The following RIMS1 variants were observed in gnomAD, a reference collection of about 807,000 sequenced individuals.
RIMS1 encodes the protein regulating synaptic membrane exocytosis 1.
RIMS1 carries 83 observed loss-of-function variants against 214.1 expected under a neutral mutation model. The ratio of observed to expected loss-of-function variants is 0.39; its 90% CI spans 0.32 to 0.47. The LOEUF (loss-of-function observed/expected upper bound fraction) is 0.47, where lower values mean the gene tolerates loss of function less well. Among genes scored for constraint, RIMS1 ranks in the 20% least tolerant of loss-of-function variants. RIMS1 has a pLI of 0.99. For missense variants in RIMS1, 2,050 were observed against 2,161.8 expected, an observed-to-expected ratio of 0.95 and a Z score of 1.03; for synonymous variants, 793 against 786.8, an observed-to-expected ratio of 1.01 and a Z score of -0.13.
chr6:72,168,702 G>A (rs1232330293), intron 4 of RIMS1, among the ~76,000 whole-genome samples: 1 of 147,142 alleles, frequency 6.8e-6, no homozygotes, highest in Non-Finnish European at 1.5e-5. Context: ...TTGGGAAGCT[G>A]CTGATCACTA....
intron 2 of RIMS1, among the ~76,000 whole-genome samples, chr6:72,008,814 AT>A (rs1808980983): frequency 6.6e-6 from 1 of 152,212 alleles, no homozygotes; most frequent in African/African-American, 2.4e-5. Context: ...GAGCACCCAG[AT>A]TCATAAAGCA....
At position 72,156,260 on chromosome 6, in the gene RIMS1, C is replaced by T. The variant is rs751466588; in HGVS notation, c.472-23315C>T. On this transcript the variant is annotated intron_variant, in intron 4 of 33. Transcript: ENST00000521978. ...ATGAATGAAGAAAATGTGATAAAAA[C>T]ATACAATGTAATATTATTCGGCCTT... 3.5e-5 allele frequency among the ~76,000 whole-genome samples: 5 copies of T among 140,892 alleles called. 1 individual carries two copies. The highest frequency in any genetic ancestry group is 4.9e-5 in the African/African-American group (2 of 40,718). 92.4% of individuals were successfully genotyped at this position (140,892 alleles called of 152,430 possible). A position where few individuals can be genotyped will look rare whatever the true frequency, so the allele number is the denominator to read the frequency against.
chr6:72,113,266 T>A (rs553980882), intron 4 of RIMS1, among the ~76,000 whole-genome samples: 57 of 152,298 alleles, frequency 3.7e-4, no homozygotes, highest in African/African-American at 1.2e-3. Context: ...CCGTCTTGGA[T>A]CATGGATTGA....
At chr6:72,357,933 T>G (rs570909507) in intron 29 of RIMS1, among the ~76,000 whole-genome samples, 3 of 152,314 alleles carry the variant, frequency 2.0e-5, no homozygotes, top group Non-Finnish European at 4.4e-5. Flanking sequence ...CATCAAAAAA[T>G]AGCAGTTTCT....
At chr6:72,252,897 C>T (rs989722638) in intron 16 of RIMS1, 65 bp downstream of exon 16, 92 of 1,217,312 alleles carry the variant, frequency 7.6e-5, no homozygotes, top group Non-Finnish European at 9.9e-5. Context: ...CTGTCAGCTT[C>T]CGGACCTCTT....
At chr6:72,122,371 A>ATTT (rs555287411) in intron 4 of RIMS1, among the ~76,000 whole-genome samples, 2 of 150,464 alleles carry the variant, frequency 1.3e-5, no homozygotes, top group South Asian at 4.2e-4. Flanking sequence ...CACCTGGCTA[A>ATTT]TTTTTTTTGT....
intron 2 of RIMS1, among the ~76,000 whole-genome samples, chr6:72,046,507 A>C (rs1823092558): frequency 6.6e-6 from 1 of 152,120 alleles, no homozygotes; most frequent in Non-Finnish European, 1.5e-5. Context: ...TAGGCCACAC[A>C]GAAGGATGGG....
At chr6:72,176,327 C>T (rs960904532) in intron 4 of RIMS1, among the ~76,000 whole-genome samples, 5 of 152,176 alleles carry the variant, frequency 3.3e-5, no homozygotes, top group Admixed American at 2.6e-4. Context: ...CCCTACAGCA[C>T]TCTTGTATTA....
intron 6 of RIMS1, among the ~76,000 whole-genome samples, chr6:72,214,472 G>C (rs540014059): frequency 5.3e-5 from 8 of 151,948 alleles, no homozygotes; most frequent in Non-Finnish European, 7.4e-5. Flanking sequence ...GGGAACTCAC[G>C]GTAATTATAC....
chr6:72,359,396 A>G (rs997408018), intron 29 of RIMS1, among the ~76,000 whole-genome samples: 1 of 152,148 alleles, frequency 6.6e-6, no homozygotes, highest in African/African-American at 2.4e-5. Flanking sequence ...TGGGAGTCAA[A>G]CATTGGTTAT....
chr6:72,115,380 C>G (rs932039577), intron 4 of RIMS1, among the ~76,000 whole-genome samples: 1 of 152,000 alleles, frequency 6.6e-6, no homozygotes, highest in African/African-American at 2.4e-5. Context: ...CTTCGTATGT[C>G]AATCAAATGT....
chr6:71,941,029 G>A (rs1785939940), intron 1 of RIMS1, among the ~76,000 whole-genome samples: 1 of 152,094 alleles, frequency 6.6e-6, no homozygotes. Context: ...GTCAAGTTGA[G>A]GAGAACCTTA....
intron 31 of RIMS1, among the ~76,000 whole-genome samples, chr6:72,394,380 T>C (rs1304536343): frequency 6.6e-6 from 1 of 152,142 alleles, no homozygotes; most frequent in Non-Finnish European, 1.5e-5. Flanking sequence ...CACAAAGTTA[T>C]GCATAAGGTT....
At chr6:72,001,877 C>A (rs1243800697) in intron 2 of RIMS1, among the ~76,000 whole-genome samples, 2 of 151,966 alleles carry the variant, frequency 1.3e-5, no homozygotes, top group Admixed American at 6.6e-5. Context: ...ACAGAACATT[C>A]CACAAAATAG....
At chr6:72,264,410 G>A (rs866442127) in intron 19 of RIMS1, among the ~76,000 whole-genome samples, 1 of 152,040 alleles carries the variant, frequency 6.6e-6, no homozygotes, top group Non-Finnish European at 1.5e-5. Flanking sequence ...CTGTGGTTGG[G>A]TCTGGATCCA....
chr6:72,398,813 G>T (rs1181625042), intron 32 of RIMS1, 142 bp from the exon 33 acceptor site: 1 of 557,200 alleles, frequency 1.8e-6, no homozygotes, highest in Non-Finnish European at 3.1e-6. Context: ...AATTTATGGA[G>T]CAATGGAAAT....
chr6:72,011,093 A>G (rs12214840), intron 2 of RIMS1, among the ~76,000 whole-genome samples: 16,268 of 152,276 alleles, frequency 0.11, 1,197 homozygotes, highest in East Asian at 0.27. Context: ...TCAAGGCTGC[A>G]GTAACCAAAA....
intron 30 of RIMS1, 117 bp downstream of exon 30, chr6:72,390,853 C>A: frequency 7.6e-7 from 1 of 1,316,680 alleles, no homozygotes; most frequent in Non-Finnish European, 1.0e-6. Flanking sequence ...AGAAGTTCAA[C>A]CATCCATTTT....
At chr6:71,890,647 G>C (rs1305299835) in intron 1 of RIMS1, among the ~76,000 whole-genome samples, 2 of 142,534 alleles carry the variant, frequency 1.4e-5, no homozygotes. Flanking sequence ...AAAAAATGTA[G>C]AGAGTTAAGG....
Sources: allele counts gnomAD v4.1 joint callset (sites outside exome capture counted in the v4.1 genomes callset), GRCh38; gene constraint gnomAD v4.1.1; transcripts MANE v1.5; gene names NCBI Gene and HGNC (gene_info 2026-07-23, HGNC 2026-07-21).